The following MAGI2 variants were observed in gnomAD, a reference collection of about 807,000 sequenced individuals.
The protein encoded by MAGI2 is membrane associated guanylate kinase, WW and PDZ domain containing 2, also known as membrane-associated guanylate kinase, WW and PDZ domain-containing protein 2.
MAGI2 carries 35 observed loss-of-function variants against 133.3 expected under a neutral mutation model. The ratio of observed to expected loss-of-function variants is 0.26; its 90% CI spans 0.20 to 0.35. MAGI2 has a LOEUF of 0.35. Among genes scored for constraint, MAGI2 ranks in the 10% least tolerant of loss-of-function variants. The pLI is 1.00. For synonymous variants in MAGI2, 729 were observed against 710.6 expected (o/e 1.03, Z -0.41); for missense variants, 1,636 against 1,863.4 (o/e 0.88, Z 2.25).
chr7:78,562,944 T>C (rs1164306129), intron 3 of MAGI2, among the ~76,000 whole-genome samples: 1 of 152,058 alleles, frequency 6.6e-6, no homozygotes, highest in Non-Finnish European at 1.5e-5. Context: ...TGTATGAAAA[T>C]ACATTCACTT....
intron 9 of MAGI2, among the ~76,000 whole-genome samples, chr7:78,293,150 C>A (rs572890891): frequency 6.6e-6 from 1 of 152,284 alleles, no homozygotes; most frequent in South Asian, 2.1e-4. Flanking sequence ...AACAGGCAAC[C>A]TACAGAATGG....
intron 21 of MAGI2, among the ~76,000 whole-genome samples, chr7:78,059,777 A>AT (rs10692094): frequency 4.0e-4 from 59 of 146,140 alleles, no homozygotes; most frequent in East Asian, 2.0e-3. Flanking sequence ...ATATATATAT[A>AT]TTTTTTTTCT....
chr7:78,698,239 T>C (rs897949423), intron 2 of MAGI2, among the ~76,000 whole-genome samples: 1 of 152,232 alleles, frequency 6.6e-6, no homozygotes, highest in African/African-American at 2.4e-5. Context: ...CCTTTGATAT[T>C]ATACTGGTTG....
intron 1 of MAGI2, among the ~76,000 whole-genome samples, chr7:79,278,045 A>C (rs1835362012): frequency 1.3e-5 from 2 of 152,116 alleles, no homozygotes; most frequent in Non-Finnish European, 2.9e-5. Flanking sequence ...TCTCATGCTG[A>C]AATGTGACCT....
At chr7:79,103,475 C>G (rs887645599) in intron 1 of MAGI2, among the ~76,000 whole-genome samples, 1 of 152,000 alleles carries the variant, frequency 6.6e-6, no homozygotes, top group Non-Finnish European at 1.5e-5. Flanking sequence ...GAAATATGAA[C>G]AGATAAATTT....
chr7:79,287,867 C>A (rs1228154408), intron 1 of MAGI2, among the ~76,000 whole-genome samples: 2 of 149,576 alleles, frequency 1.3e-5, no homozygotes, highest in East Asian at 3.9e-4. Flanking sequence ...AATATTTAAA[C>A]ACAAATAGAA....
intron 10 of MAGI2, among the ~76,000 whole-genome samples, chr7:78,248,784 G>A (rs527936444): frequency 1.6e-4 from 25 of 152,138 alleles, no homozygotes; most frequent in African/African-American, 5.5e-4. Context: ...TAAAACATGT[G>A]GAGATACTTC....
intron 1 of MAGI2, among the ~76,000 whole-genome samples, chr7:79,055,421 A>G (rs1405596731): frequency 1.3e-5 from 2 of 152,200 alleles, no homozygotes; most frequent in Non-Finnish European, 2.9e-5. Context: ...ATTCTAACCA[A>G]TGATGCCCAA....
At chr7:79,348,431 T>C (rs1454750764) in intron 1 of MAGI2, among the ~76,000 whole-genome samples, 1 of 151,886 alleles carries the variant, frequency 6.6e-6, no homozygotes, top group African/African-American at 2.4e-5. Context: ...TTGATGCTAG[T>C]ACATAACTAT....
intron 21 of MAGI2, among the ~76,000 whole-genome samples, chr7:78,074,633 G>A (rs1815081098): frequency 6.6e-6 from 1 of 152,056 alleles, no homozygotes; most frequent in Admixed American, 6.6e-5. Context: ...TGTTATTGTT[G>A]CTATTATTTT....
chr7:78,982,916 G>T (rs1804917275), intron 2 of MAGI2, among the ~76,000 whole-genome samples: 1 of 151,818 alleles, frequency 6.6e-6, no homozygotes, highest in Admixed American at 6.6e-5. Flanking sequence ...ATGATTATAG[G>T]ACAGGGTTTC....
At chr7:79,339,161 C>T (rs1490773784) in intron 1 of MAGI2, among the ~76,000 whole-genome samples, 1 of 152,042 alleles carries the variant, frequency 6.6e-6, no homozygotes, top group Non-Finnish European at 1.5e-5. Flanking sequence ...CCTCATTACT[C>T]TATTTAAAGG....
intron 9 of MAGI2, among the ~76,000 whole-genome samples, chr7:78,303,463 C>T (rs2151078604): frequency 6.7e-6 from 1 of 150,102 alleles, no homozygotes; most frequent in African/African-American, 2.4e-5. Flanking sequence ...TTACCATGCT[C>T]AAAATAATAG....
intron 2 of MAGI2, among the ~76,000 whole-genome samples, chr7:78,983,090 T>A (rs1320776769): frequency 6.6e-6 from 1 of 151,964 alleles, no homozygotes; most frequent in Non-Finnish European, 1.5e-5. Context: ...AAAATGATAA[T>A]CTTTGGGATA....
intron 3 of MAGI2, among the ~76,000 whole-genome samples, chr7:78,584,394 T>G (rs1803168973): frequency 8.5e-6 from 1 of 117,062 alleles, no homozygotes; most frequent in Admixed American, 1.2e-4. Context: ...CATTCCAGCC[T>G]GGGTGACAGA....
chr7:78,756,663 G>C (rs1288655476), intron 2 of MAGI2, among the ~76,000 whole-genome samples: 1 of 152,080 alleles, frequency 6.6e-6, no homozygotes, highest in Admixed American at 6.6e-5. Context: ...CTTTCTAACA[G>C]ACAACCATGG....
chr7:79,132,839 C>T (rs114291895), intron 1 of MAGI2, among the ~76,000 whole-genome samples: 2,321 of 152,096 alleles, frequency 0.015, 66 homozygotes, highest in African/African-American at 0.053. Context: ...TAATAATGGC[C>T]ATTATTTCAG....
intron 2 of MAGI2, among the ~76,000 whole-genome samples, chr7:78,735,854 T>G (rs1821795995): frequency 6.6e-6 from 1 of 152,222 alleles, no homozygotes; most frequent in Non-Finnish European, 1.5e-5. Flanking sequence ...CTTAGCTTAA[T>G]ATTAGAAATT....
At chr7:78,664,872 A>G (rs1271696642) in intron 2 of MAGI2, among the ~76,000 whole-genome samples, 1 of 152,056 alleles carries the variant, frequency 6.6e-6, no homozygotes, top group African/African-American at 2.4e-5. Context: ...ATTAATTCTC[A>G]TAGTAAAAAA....
Sources: allele counts gnomAD v4.1 joint callset (sites outside exome capture counted in the v4.1 genomes callset), GRCh38; gene constraint gnomAD v4.1.1; transcripts MANE v1.5; gene names NCBI Gene and HGNC (gene_info 2026-07-23, HGNC 2026-07-21).